Variants in FNDC3A observed in about 807,000 individuals in gnomAD.
FNDC3A encodes fibronectin type-III domain-containing protein 3A.
In FNDC3A, 32 loss-of-function variants were observed where a neutral mutation model predicts 148.9. The ratio of observed to expected loss-of-function variants is 0.21; its 90% CI spans 0.16 to 0.29. FNDC3A has a LOEUF of 0.29. Ranked by LOEUF, FNDC3A falls within the 10% of genes least tolerant of loss-of-function variation. The pLI is 1.00. For missense variants in FNDC3A, 1,191 were observed against 1,452.8 expected, an observed-to-expected ratio of 0.82 and a Z score of 2.93; for synonymous variants, 472 against 473.6, an observed-to-expected ratio of 1.00 and a Z score of 0.04.
At chr13:49,077,075 C>T (rs967423292) in intron 3 of FNDC3A, among the ~76,000 whole-genome samples, 13 of 152,246 alleles carry the variant, frequency 8.5e-5, no homozygotes, top group African/African-American at 2.9e-4. Context: ...GCCAGGAATA[C>T]GAGACCAGCC....
At chr13:49,005,757 A>G (rs1952208869) in intron 1 of FNDC3A, among the ~76,000 whole-genome samples, 1 of 151,888 alleles carries the variant, frequency 6.6e-6, no homozygotes, top group South Asian at 2.1e-4. Flanking sequence ...GCCCATAGAA[A>G]AAAATTAGTG....
intron 1 of FNDC3A, among the ~76,000 whole-genome samples, chr13:48,993,467 T>G (rs923445165): frequency 1.3e-5 from 2 of 152,246 alleles, no homozygotes; most frequent in South Asian, 4.1e-4. Context: ...GATTCTTAGA[T>G]ACTTATAGTA....
chr13:49,177,252 T>C lies in FNDC3A; in HGVS notation c.1531-1316T>C, dbSNP rs186234514. On this transcript the variant is annotated intron_variant, in intron 13 of 25. Transcript: ENST00000492622. ...GGAGGGGAAGATCACCACAGCCTTC[T>C]TGACTAAGCAGCTCTAAAAGATGAG... Among the ~76,000 whole-genome samples the C allele has an allele frequency of 5.9e-5, 9 of 152,356 alleles. No homozygotes were observed. The East Asian group carries it at 1.7e-3, about 29-fold the overall frequency.
intron 1 of FNDC3A, among the ~76,000 whole-genome samples, chr13:48,996,934 G>A (rs1952034355): frequency 6.6e-6 from 1 of 152,028 alleles, no homozygotes; most frequent in Non-Finnish European, 1.5e-5. Context: ...ATGGTGGCAA[G>A]CGCATGTAAT....
intron 1 of FNDC3A, among the ~76,000 whole-genome samples, chr13:49,001,465 A>G (rs1475543027): frequency 1.3e-5 from 2 of 152,218 alleles, no homozygotes; most frequent in African/African-American, 4.8e-5. Flanking sequence ...GGAACAAGAG[A>G]GATAACCTTA....
At chr13:49,159,631 C>T (rs1239981708) in intron 8 of FNDC3A, among the ~76,000 whole-genome samples, 2 of 152,100 alleles carry the variant, frequency 1.3e-5, no homozygotes, top group Non-Finnish European at 2.9e-5. Flanking sequence ...GCCTGATTGC[C>T]CTGGCCAGAA....
intron 2 of FNDC3A, among the ~76,000 whole-genome samples, chr13:49,067,245 G>T (rs1300911115): frequency 6.6e-6 from 1 of 152,186 alleles, no homozygotes; most frequent in Non-Finnish European, 1.5e-5. Context: ...GGATATGTAA[G>T]ATGTGCCTAC....
At chr13:49,073,543 C>T (rs1481167269) in intron 2 of FNDC3A, among the ~76,000 whole-genome samples, 2 of 151,696 alleles carry the variant, frequency 1.3e-5, no homozygotes, top group African/African-American at 4.8e-5. Flanking sequence ...ACAATCAAAA[C>T]ACAGTCAATA....
chr13:49,205,522 G>A (rs902119219), intron 25 of FNDC3A, among the ~76,000 whole-genome samples: 6 of 152,114 alleles, frequency 3.9e-5, no homozygotes, highest in Non-Finnish European at 2.9e-5. Flanking sequence ...ACACTCAAAG[G>A]AAATGCTCAT....
At chr13:49,004,344 C>T (rs1037356434) in intron 1 of FNDC3A, among the ~76,000 whole-genome samples, 4 of 151,924 alleles carry the variant, frequency 2.6e-5, no homozygotes, top group African/African-American at 7.2e-5. Flanking sequence ...AATTACTTTG[C>T]GTGTGATAGA....
intron 7 of FNDC3A, among the ~76,000 whole-genome samples, chr13:49,142,626 G>A (rs1025410844): frequency 6.6e-6 from 1 of 152,088 alleles, no homozygotes; most frequent in African/African-American, 2.4e-5. Context: ...ACAGAAAACA[G>A]CATTTTTAGA....
intron 3 of FNDC3A, among the ~76,000 whole-genome samples, chr13:49,088,926 A>G (rs184264155): frequency 5.9e-4 from 90 of 152,352 alleles, no homozygotes; most frequent in Admixed American, 4.1e-3. Flanking sequence ...AGTGAAATAA[A>G]TCAGTCACAA....
chr13:49,042,277 G>A (rs1370559842), intron 2 of FNDC3A, among the ~76,000 whole-genome samples: 1 of 152,064 alleles, frequency 6.6e-6, no homozygotes, highest in Non-Finnish European at 1.5e-5. Context: ...GAAAAGGTAA[G>A]TACTTTTTTT....
intron 4 of FNDC3A, among the ~76,000 whole-genome samples, chr13:49,120,156 C>A (rs988503067): frequency 2.0e-5 from 3 of 152,156 alleles, no homozygotes; most frequent in Non-Finnish European, 4.4e-5. Flanking sequence ...CAGAAACTCT[C>A]CAAGCCAGAA....
At chr13:49,105,759 G>C (rs1288747754) in intron 3 of FNDC3A, among the ~76,000 whole-genome samples, 1 of 152,024 alleles carries the variant, frequency 6.6e-6, no homozygotes, top group Non-Finnish European at 1.5e-5. Context: ...CATTTCCACT[G>C]CCCATATACT....
intron 4 of FNDC3A, among the ~76,000 whole-genome samples, chr13:49,121,792 A>G (rs565786221): frequency 6.6e-6 from 1 of 152,302 alleles, no homozygotes; most frequent in South Asian, 2.1e-4. Context: ...CCCAAAGACT[A>G]AACAAGGAAG....
chr13:49,125,627 T>A (rs946408666), intron 4 of FNDC3A, among the ~76,000 whole-genome samples: 3 of 152,208 alleles, frequency 2.0e-5, no homozygotes, highest in Non-Finnish European at 4.4e-5. Context: ...AGCATTCTGT[T>A]AGTGCTAAAA....
chr13:49,177,925 A>C (rs1478610628), intron 13 of FNDC3A, among the ~76,000 whole-genome samples: 3 of 152,242 alleles, frequency 2.0e-5, no homozygotes, highest in Admixed American at 1.3e-4. Flanking sequence ...TTCTGAAATT[A>C]GGAATTAGGG....
At chr13:49,140,943 A>G (rs965970494) in intron 7 of FNDC3A, among the ~76,000 whole-genome samples, 1 of 152,132 alleles carries the variant, frequency 6.6e-6, no homozygotes, top group Non-Finnish European at 1.5e-5. Context: ...CATTGAGGAC[A>G]GGGGTGGAAA....
Sources: allele counts gnomAD v4.1 joint callset (sites outside exome capture counted in the v4.1 genomes callset), GRCh38; gene constraint gnomAD v4.1.1; transcripts MANE v1.5; gene names NCBI Gene and HGNC (gene_info 2026-07-23, HGNC 2026-07-21).